The following SH3RF3 variants were observed in gnomAD, a reference collection of about 807,000 sequenced individuals.
SH3RF3 encodes E3 ubiquitin-protein ligase SH3RF3.
SH3RF3 carries 29 observed loss-of-function variants against 66.3 expected under a neutral mutation model. The observed-to-expected ratio is 0.44, with a 90% CI of 0.33 to 0.60. SH3RF3 has a LOEUF of 0.60. Among genes scored for constraint, SH3RF3 ranks in the 20% least tolerant of loss-of-function variants. The pLI, the probability that SH3RF3 is intolerant of heterozygous loss-of-function variation, is 0.04. For missense variants in SH3RF3, 1,194 were observed against 1,190.9 expected (o/e 1.00, Z -0.04); for synonymous variants, 583 against 532.0 (o/e 1.10, Z -1.32).
chr2:109,217,571 AC>A (rs1307053082), intron 1 of SH3RF3, among the ~76,000 whole-genome samples: 1 of 152,186 alleles, frequency 6.6e-6, no homozygotes, highest in African/African-American at 2.4e-5. Flanking sequence ...ATTTTTCTCT[AC>A]CAGGACCTAC....
chr2:109,308,971 G>A (rs1468370871), intron 1 of SH3RF3, among the ~76,000 whole-genome samples: 1 of 80,384 alleles, frequency 1.2e-5, no homozygotes, highest in Non-Finnish European at 2.1e-5. Context: ...AAAGTCATTG[G>A]TAGCTTGATG....
intron 8 of SH3RF3, among the ~76,000 whole-genome samples, chr2:109,468,855 GAAAA>G (rs397940375): frequency 3.1e-5 from 2 of 64,860 alleles, no homozygotes; most frequent in Non-Finnish European, 3.2e-5. Flanking sequence ...CTCTGTCTCA[GAAAA>G]AAAAAAAAAA....
chr2:109,464,367 T>C (rs1223939084), intron 8 of SH3RF3, among the ~76,000 whole-genome samples: 3 of 152,240 alleles, frequency 2.0e-5, no homozygotes, highest in Non-Finnish European at 4.4e-5. Flanking sequence ...AATAAGCATA[T>C]TTATGTATAT....
In SH3RF3 at chr2:109,501,835, G is replaced by C. The variant is rs997278413; in HGVS notation, c.*164G>C. On this transcript the variant is annotated 3_prime_UTR_variant, in exon 10 of 10. Transcript: ENST00000309415. Reference sequence around the variant, plus strand: ...GTGGGGGCCAGGGACTGTGGAGGTCGTGCCTTCTCCCAAAACCCCCAAACG... The same window carrying C: ...GTGGGGGCCAGGGACTGTGGAGGTCCTGCCTTCTCCCAAAACCCCCAAACG... The C allele has an allele frequency of 3.4e-6, 2 of 587,878 alleles. No homozygotes were observed. The highest frequency in any genetic ancestry group is 2.1e-5 in the South Asian group (1 of 47,346). 36.4% of individuals were successfully genotyped at this position (587,878 alleles called of 1,614,324 possible).
intron 2 of SH3RF3, among the ~76,000 whole-genome samples, chr2:109,350,004 G>A (rs1398345410): frequency 1.3e-5 from 2 of 152,244 alleles, no homozygotes; most frequent in African/African-American, 4.8e-5. Context: ...AGACAGGCCA[G>A]TGGAGAATGT....
intron 1 of SH3RF3, among the ~76,000 whole-genome samples, chr2:109,169,581 T>C (rs1470197266): frequency 6.6e-6 from 1 of 152,192 alleles, no homozygotes; most frequent in African/African-American, 2.4e-5. Flanking sequence ...AGTTGCTTTA[T>C]GCTGAACAAA....
At chr2:109,262,538 T>G (rs1680381238) in intron 1 of SH3RF3, among the ~76,000 whole-genome samples, 1 of 152,218 alleles carries the variant, frequency 6.6e-6, no homozygotes, top group South Asian at 2.1e-4. Flanking sequence ...GCCTCATCCT[T>G]CAAAGGTTTT....
At chr2:109,198,919 G>C (rs936380077) in intron 1 of SH3RF3, among the ~76,000 whole-genome samples, 2 of 152,204 alleles carry the variant, frequency 1.3e-5, no homozygotes, top group Non-Finnish European at 2.9e-5. Flanking sequence ...GCTAAATGCA[G>C]AAAAGGTACA....
At chr2:109,158,261 C>A (rs963823548) in intron 1 of SH3RF3, among the ~76,000 whole-genome samples, 2 of 152,184 alleles carry the variant, frequency 1.3e-5, no homozygotes, top group Non-Finnish European at 2.9e-5. Flanking sequence ...AAGTCCAGGG[C>A]CACCTCCAGG....
At chr2:109,265,844 A>G (rs1248833579) in intron 1 of SH3RF3, among the ~76,000 whole-genome samples, 4 of 152,172 alleles carry the variant, frequency 2.6e-5, no homozygotes, top group African/African-American at 7.2e-5. Context: ...GGGTGGGTCA[A>G]GGGGGTGGAC....
At chr2:109,299,245 A>ACCT (rs1681399222) in intron 1 of SH3RF3, among the ~76,000 whole-genome samples, 2 of 151,770 alleles carry the variant, frequency 1.3e-5, no homozygotes, top group South Asian at 4.2e-4. Flanking sequence ...TCTCCAAAGG[A>ACCT]CCTCTCACTC....
chr2:109,249,588 C>CCTTCCTTCTTTTCTTTCTTTCTTTCTTTT (rs1680031809), intron 1 of SH3RF3, among the ~76,000 whole-genome samples: 1 of 134,510 alleles, frequency 7.4e-6, no homozygotes, highest in African/African-American at 3.0e-5. Context: ...TCCTTCCTTT[C>CCTTCCTTCTTTTCTTTCTTTCTTTCTTTT]CTTTCTTTCT....
At chr2:109,420,549 A>G (rs113142997) in intron 5 of SH3RF3, among the ~76,000 whole-genome samples, 7,222 of 152,018 alleles carry the variant, frequency 0.048, 482 homozygotes, top group African/African-American at 0.15. Context: ...AGGTTCACGC[A>G]ATTCTCCTGC....
chr2:109,492,035 A>T (rs1254029384), intron 9 of SH3RF3, among the ~76,000 whole-genome samples: 1 of 152,030 alleles, frequency 6.6e-6, no homozygotes, highest in Admixed American at 6.5e-5. Flanking sequence ...CAAGGGCCAG[A>T]TGGTAAACAC....
At chr2:109,173,601 C>T (rs116340368) in intron 1 of SH3RF3, among the ~76,000 whole-genome samples, 145 of 152,316 alleles carry the variant, frequency 9.5e-4, no homozygotes, top group African/African-American at 3.2e-3. Flanking sequence ...ACCCCGCAGC[C>T]TGCAGTGGTT....
intron 1 of SH3RF3, among the ~76,000 whole-genome samples, chr2:109,197,672 T>C (rs1267868616): frequency 6.6e-6 from 1 of 152,212 alleles, no homozygotes; most frequent in African/African-American, 2.4e-5. Context: ...GTGAGATGTG[T>C]TGGGACAGTA....
chr2:109,257,104 G>A (rs771537228), intron 1 of SH3RF3, among the ~76,000 whole-genome samples: 2 of 152,184 alleles, frequency 1.3e-5, no homozygotes, highest in Non-Finnish European at 2.9e-5. Context: ...TAGGCAGCCC[G>A]AAAGCCACTG....
chr2:109,239,097 A>G (rs761565703), intron 1 of SH3RF3, among the ~76,000 whole-genome samples: 9 of 152,220 alleles, frequency 5.9e-5, no homozygotes, highest in Non-Finnish European at 1.0e-4. Context: ...ACAGGAGAAG[A>G]CGTCCAAGAC....
intron 4 of SH3RF3, among the ~76,000 whole-genome samples, chr2:109,400,491 G>A (rs1044144700): frequency 1.5e-4 from 22 of 151,464 alleles, no homozygotes; most frequent in African/African-American, 5.3e-4. Flanking sequence ...ATGCGTACAG[G>A]TGCATTTACA....
Sources: allele counts gnomAD v4.1 joint callset (sites outside exome capture counted in the v4.1 genomes callset), GRCh38; gene constraint gnomAD v4.1.1; transcripts MANE v1.5; gene names NCBI Gene and HGNC (gene_info 2026-07-23, HGNC 2026-07-21).